Variants in PLCL2 observed in about 807,000 individuals in gnomAD.
PLCL2 encodes inactive phospholipase C-like protein 2.
In PLCL2, 4 loss-of-function variants were observed where a neutral mutation model predicts 79.6. The observed-to-expected ratio is 0.05, with a 90% CI of 0.02 to 0.11. The LOEUF is 0.11. Ranked by LOEUF, PLCL2 falls within the 10% of genes least tolerant of loss-of-function variation. The pLI is 1.00. For missense variants in PLCL2, 895 were observed against 1,291.0 expected (o/e 0.69, Z 4.70); for synonymous variants, 484 against 457.7 (o/e 1.06, Z -0.73).
intron 4 of PLCL2, among the ~76,000 whole-genome samples, chr3:17,046,609 C>T (rs2064783005): frequency 6.6e-6 from 1 of 152,204 alleles, no homozygotes; most frequent in Admixed American, 6.5e-5. Context: ...CTTTTAATCT[C>T]TACTCTAAAA....
chr3:16,979,432 A>G (rs1446764111), intron 1 of PLCL2, among the ~76,000 whole-genome samples: 2 of 113,364 alleles, frequency 1.8e-5, no homozygotes, highest in African/African-American at 7.2e-5. Flanking sequence ...GAAGGTCAGC[A>G]GATAAACAAG....
intron 1 of PLCL2, among the ~76,000 whole-genome samples, chr3:16,977,168 T>C (rs888088986): frequency 3.3e-5 from 5 of 152,242 alleles, no homozygotes; most frequent in Admixed American, 6.5e-5. Flanking sequence ...TATATTTATT[T>C]ATTGAGTGAA....
At position 17,089,812 on chromosome 3, in the gene PLCL2, G is replaced by A. The variant is rs1357519485; in HGVS notation, c.3284G>A (p.Cys1095Tyr). ...LKQIHFAAVSCGLNKPGTENA... is the reference protein window; with the variant it reads ...LKQIHFAAVSYGLNKPGTENA... The stretch of plus-strand genomic sequence containing the variant: ...CAAATCCATTTTGCTGCTGTTTCAT[G>A]TGGACTGAATAAACCAGGCACCGAA... The change falls in exon 6 of 6, where the codon TGT becomes TAT. Residue 1095 changes from cysteine (C) to tyrosine (Y), a missense_variant. Transcript: ENST00000615277. 1 of 1,614,042 alleles carries A rather than the reference G, an allele frequency of 6.2e-7. No individual in the cohort carries two copies. Among genetic ancestry groups the A allele is most frequent in the Non-Finnish European group, 8.5e-7 (1 of 1,179,886 alleles).
At chr3:16,990,472 T>G (rs2064094171) in intron 1 of PLCL2, among the ~76,000 whole-genome samples, 1 of 152,198 alleles carries the variant, frequency 6.6e-6, no homozygotes, top group African/African-American at 2.4e-5. Context: ...ACCAAAGTGT[T>G]TGTAAGCTTG....
chr3:16,891,950 ACTCTCC>A (rs1376902302), intron 1 of PLCL2, among the ~76,000 whole-genome samples: 2 of 151,750 alleles, frequency 1.3e-5, no homozygotes, highest in Non-Finnish European at 2.9e-5. Flanking sequence ...TCCAGCCACC[ACTCTCC>A]CTGTATCTCC....
At chr3:16,946,952 T>C (rs1312357849) in intron 1 of PLCL2, among the ~76,000 whole-genome samples, 2 of 130,310 alleles carry the variant, frequency 1.5e-5, no homozygotes, top group African/African-American at 6.1e-5. Context: ...AAAGTTTCAT[T>C]CTTTTTTTTT....
At chr3:17,061,244 C>A (rs1034131786) in intron 4 of PLCL2, among the ~76,000 whole-genome samples, 1 of 152,182 alleles carries the variant, frequency 6.6e-6, no homozygotes, top group Non-Finnish European at 1.5e-5. Flanking sequence ...TTGGCCCTCA[C>A]TTCCTTTCAA....
In PLCL2 at chr3:17,010,301, A is replaced by G; in HGVS notation, c.955A>G (p.Lys319Glu). ...TAAGTTCAAAGAATTGCATAAATCA[A>G]AGGACAAAGCTGGTACCGAGGTCAC... ...ELKFKELHKSKDKAGTEVTKE... is the reference protein window; with the variant it reads ...ELKFKELHKSEDKAGTEVTKE... The change falls in exon 2 of 6, where the codon AAG becomes GAG. Residue 319 changes from lysine (K) to glutamate (E), a missense_variant. Lys to Glu is a moderately conservative substitution (Grantham distance 56). Around this residue, in one of 6 missense-constraint regions of PLCL2, gnomAD observed 93 missense variants for 93.2 expected, o/e 1.00. Transcript: ENST00000615277. The surrounding 1 kb of genome is among the most constrained non-coding windows in gnomAD (Gnocchi z 5.8). 6.2e-7 allele frequency: 1 copy of G among 1,614,116 alleles called. No homozygotes were observed. Among genetic ancestry groups the G allele is most frequent in the Non-Finnish European group, 8.5e-7 (1 of 1,179,994 alleles).
Position 17,014,730 on chromosome 3 carries a change from A to G in PLCL2, c.2837A>G (p.Glu946Gly). The G allele has an allele frequency of 1.2e-6, 2 of 1,613,898 alleles. No homozygotes were observed. The highest frequency in any genetic ancestry group is 1.7e-6 in the Non-Finnish European group (2 of 1,179,854). ...NMQNAVVSFK[E>G]LCGLSSVANL... Reference sequence around the variant, plus strand: ...CAGAATGCGGTGGTGTCATTCAAGGAGCTGTGTGGCCTCTCCTCTGTGGCC... The same window carrying G: ...CAGAATGCGGTGGTGTCATTCAAGGGGCTGTGTGGCCTCTCCTCTGTGGCC... The change falls in exon 3 of 6, where the codon GAG (glutamate) becomes GGG (glycine). Residue 946 changes from glutamate to glycine, a missense_variant. Around this residue, in one of 6 missense-constraint regions of PLCL2, gnomAD observed 298 missense variants for 459.6 expected, o/e 0.65. Transcript: ENST00000615277.
chr3:17,046,018 C>T (rs2064776562), intron 4 of PLCL2, among the ~76,000 whole-genome samples: 1 of 152,022 alleles, frequency 6.6e-6, no homozygotes, highest in Non-Finnish European at 1.5e-5. Flanking sequence ...TCAGCAGTGC[C>T]AGTCAAAGGG....
intron 5 of PLCL2, among the ~76,000 whole-genome samples, chr3:17,072,352 T>C (rs1359469094): frequency 6.6e-6 from 1 of 152,128 alleles, no homozygotes; most frequent in Non-Finnish European, 1.5e-5. Flanking sequence ...GTTATAAGTA[T>C]TGTTGGTTGT....
intron 1 of PLCL2, among the ~76,000 whole-genome samples, chr3:16,931,133 A>C (rs1189366474): frequency 6.6e-6 from 1 of 150,602 alleles, no homozygotes; most frequent in African/African-American, 2.4e-5. Context: ...AGATGCATTC[A>C]CTTCTTCCTC....
At chr3:16,982,299 G>A (rs75380212) in intron 1 of PLCL2, among the ~76,000 whole-genome samples, 3,194 of 152,224 alleles carry the variant, frequency 0.021, 54 homozygotes, top group South Asian at 0.043. Context: ...CAATTTTAAA[G>A]CAGGTTTTTA....
chr3:17,008,102 C>G (rs2064281600), intron 1 of PLCL2, among the ~76,000 whole-genome samples: 1 of 152,124 alleles, frequency 6.6e-6, no homozygotes, highest in Admixed American at 6.6e-5. Context: ...GTGATGCTAA[C>G]TTCTTTAGAA....
chr3:17,043,048 C>A (rs1052116263), intron 4 of PLCL2, 99 bp downstream of exon 4: 9 of 778,956 alleles, frequency 1.2e-5, no homozygotes, highest in Non-Finnish European at 2.0e-5. Flanking sequence ...TCAAGAAAAT[C>A]AAATAAGAAA....
chr3:16,916,874 T>A (rs969953757), intron 1 of PLCL2, among the ~76,000 whole-genome samples: 4 of 152,204 alleles, frequency 2.6e-5, no homozygotes, highest in Non-Finnish European at 5.9e-5. Context: ...TCTTTTGTGA[T>A]CGTACATTAT....
Position 16,998,479 on chromosome 3 carries a change from A to C in PLCL2, c.328-11195A>C, listed in dbSNP as rs542073582. Among the ~76,000 whole-genome samples the C allele has an allele frequency of 7.9e-5, 12 of 152,344 alleles. 1 individual carries two copies. In the South Asian group the frequency reaches 2.1e-3, roughly 26 times the overall value. On this transcript the variant is annotated intron_variant, in intron 1 of 5. Coordinates refer to ENST00000615277, the MANE Select transcript of PLCL2 (RefSeq NM_001144382.2). Reference sequence around the variant, plus strand: ...TCCACAGTTGAGAAACACAGTTTTCACACCAAATTTTGCCAGCCACTTAAG... The same window carrying C: ...TCCACAGTTGAGAAACACAGTTTTCCCACCAAATTTTGCCAGCCACTTAAG...
Position 17,011,090 on chromosome 3 carries a change from G to T in PLCL2, c.1744G>T (p.Asp582Tyr). ...CTCAAATTGCTCTGGGGTAGAAGGAGATGTTACTGACGAAGATGAAGGAGC... is the reference window on the plus strand; with the variant it reads ...CTCAAATTGCTCTGGGGTAGAAGGATATGTTACTGACGAAGATGAAGGAGC... ...LSSNCSGVEG[D>Y]VTDEDEGAEM... Residue 582 changes from aspartate (D) to tyrosine (Y), a missense_variant, in exon 2 of 6, where the codon GAT (aspartate) becomes TAT (tyrosine). By Grantham distance (160) the Asp-to-Tyr change is radical. Around this residue, in one of 6 missense-constraint regions of PLCL2, gnomAD observed 242 missense variants for 399.5 expected, o/e 0.61. Coordinates refer to ENST00000615277, the MANE Select transcript of PLCL2 (RefSeq NM_001144382.2). The surrounding 1 kb of genome is among the most constrained non-coding windows in gnomAD (Gnocchi z 7.9). 1 of 1,614,080 alleles carries T rather than the reference G, an allele frequency of 6.2e-7. No individual in the cohort carries two copies. The highest frequency in any genetic ancestry group is 8.5e-7 in the Non-Finnish European group (1 of 1,180,016).
At chr3:16,949,952 C>G (rs1457411342) in intron 1 of PLCL2, among the ~76,000 whole-genome samples, 1 of 152,110 alleles carries the variant, frequency 6.6e-6, no homozygotes, top group South Asian at 2.1e-4. Context: ...ATTTTGAATT[C>G]CCTTGTATTC....
Sources: gnomAD v4.1 joint callset for allele counts (sites outside exome capture counted in the v4.1 genomes callset) on GRCh38, gnomAD v4.1.1 for gene constraint, gnomAD v4.1.1 regional missense constraint, Gnocchi (gnomAD v3.1) non-coding constraint, MANE v1.5 for transcripts, NCBI Gene and HGNC (gene_info 2026-07-23, HGNC 2026-07-21) for gene names.